ATP6V0A1: variants seen among roughly 807,000 people sequenced by gnomAD.
ATP6V0A1 encodes the protein ATPase H+ transporting V0 subunit a1.
In ATP6V0A1, 43 loss-of-function variants were observed where a neutral mutation model predicts 105.4. The observed-to-expected ratio is 0.41, with a 90% confidence interval of 0.32 to 0.53. The LOEUF is 0.53. ATP6V0A1 is among the 20% of genes least tolerant of loss of function. The pLI, the probability that ATP6V0A1 is intolerant of heterozygous loss-of-function variation, is 0.30. For synonymous variants in ATP6V0A1, 362 were observed against 372.8 expected, an observed-to-expected ratio of 0.97 and a Z score of 0.33; for missense variants, 676 against 1,051.1, an observed-to-expected ratio of 0.64 and a Z score of 4.93.
chr17:42,500,279 G>A (rs922183771), intron 15 of ATP6V0A1, among the ~76,000 whole-genome samples: 9 of 152,186 alleles, frequency 5.9e-5, no homozygotes, highest in Middle Eastern at 3.4e-3. Context: ...AGGAGTTCAA[G>A]ACCAGTCTGG....
intron 9 of ATP6V0A1, among the ~76,000 whole-genome samples, chr17:42,486,647 A>T (rs968542534): frequency 6.6e-6 from 1 of 152,168 alleles, no homozygotes. Context: ...TAAAGATCAC[A>T]GGTGCTCCTG....
At chr17:42,483,998 G>A (rs187857339) in intron 9 of ATP6V0A1, among the ~76,000 whole-genome samples, 7 of 152,310 alleles carry the variant, frequency 4.6e-5, no homozygotes, top group South Asian at 2.1e-4. Context: ...GATTATAGGC[G>A]TGAGCCACTG....
chr17:42,459,335 G>C (rs2086127875), intron 1 of ATP6V0A1, among the ~76,000 whole-genome samples: 1 of 152,236 alleles, frequency 6.6e-6, no homozygotes, highest in Non-Finnish European at 1.5e-5. Flanking sequence ...GGGTAGACAG[G>C]AAATGAAGCA....
At chr17:42,491,562 C>T (rs1180351585) in intron 11 of ATP6V0A1, among the ~76,000 whole-genome samples, 1 of 152,230 alleles carries the variant, frequency 6.6e-6, no homozygotes, top group Non-Finnish European at 1.5e-5. Context: ...CAGCTCACCA[C>T]ATCCTCTGCC....
intron 14 of ATP6V0A1, among the ~76,000 whole-genome samples, chr17:42,497,127 A>T (rs1053267928): frequency 4.0e-5 from 6 of 151,250 alleles, no homozygotes; most frequent in African/African-American, 4.9e-5. Context: ...ACATAGTGAA[A>T]CCCCATCTCT....
At position 42,487,035 on chromosome 17, in the gene ATP6V0A1, G is replaced by A. The variant is rs2090173042; in HGVS notation, c.811-120G>A. 6.4e-6 allele frequency: 6 copies of A among 936,586 alleles called. No homozygotes were observed. In the East Asian group the frequency reaches 7.7e-5, roughly 12 times the overall value. The allele number at this position is 936,586 out of a possible 1,614,324, so 58.0% of individuals were successfully genotyped here. A position where few individuals can be genotyped will look rare whatever the true frequency, so the allele number is the denominator to read the frequency against. On this transcript the variant is annotated intron_variant, in intron 9 of 21. Coordinates refer to ENST00000343619, the MANE Select transcript of ATP6V0A1 (RefSeq NM_001130021.3). ...AAAAAAGAAACCATTCTAGCCAGAG[G>A]AAGAAAAAGACAATTCCCTGGCAAC...
intron 17 of ATP6V0A1, among the ~76,000 whole-genome samples, chr17:42,504,597 G>T (rs2091899496): frequency 6.6e-6 from 1 of 152,144 alleles, no homozygotes; most frequent in Non-Finnish European, 1.5e-5. Context: ...AGGTGTCCAG[G>T]CTCTGGTGGC....
intron 5 of ATP6V0A1, among the ~76,000 whole-genome samples, chr17:42,474,711 T>C (rs975837049): frequency 7.9e-5 from 12 of 152,234 alleles, no homozygotes; most frequent in African/African-American, 2.9e-4. Flanking sequence ...CCTAAAACAC[T>C]ACCAGTTTTA....
Position 42,494,322 on chromosome 17 carries a change from G to C in ATP6V0A1, c.1175-12G>C. On this transcript the variant is annotated splice_polypyrimidine_tract_variant and intron_variant, in intron 11 of 21. Coordinates refer to ENST00000343619, the MANE Select transcript of ATP6V0A1 (RefSeq NM_001130021.3). ...TGTACTTTGTATTTTTCTTTTTTTG[G>C]TTTCTTCATAGCTCCGTATACTATT... 6.3e-7 allele frequency: 1 copy of C among 1,596,862 alleles called. No individual in the cohort carries two copies. Among genetic ancestry groups the C allele is most frequent in the Non-Finnish European group, 8.5e-7 (1 of 1,172,410 alleles).
chr17:42,501,348 G>A, intron 17 of ATP6V0A1, 44 bp downstream of exon 17: 1 of 1,219,154 alleles, frequency 8.2e-7, no homozygotes, highest in Middle Eastern at 2.1e-4. Context: ...CTTTTGTTTT[G>A]TTCAAGATCA....
chr17:42,483,074 A>G lies in ATP6V0A1; in HGVS notation c.753A>G (p.Pro251=), dbSNP rs750510954. ...RASLYPCPET[P]QERKEMASGV... ...CACTCTATCCCTGTCCTGAGACACCACAGGAGAGGAAGGAAATGGCTTCTG... is the reference window on the plus strand; with the variant it reads ...CACTCTATCCCTGTCCTGAGACACCGCAGGAGAGGAAGGAAATGGCTTCTG... The change falls in exon 9 of 22, where the codon CCA becomes CCG. Residue 251 remains proline (P), a synonymous_variant. Transcript: ENST00000343619. 2 of 1,576,742 alleles carry G rather than the reference A, an allele frequency of 1.3e-6. No homozygotes were observed. Among genetic ancestry groups the G allele is most frequent in the South Asian group, 1.2e-5 (1 of 84,856 alleles).
At position 42,470,128 on chromosome 17, in the gene ATP6V0A1, C is replaced by T. The variant is rs374214130; in HGVS notation, c.333C>T (p.Ile111=). 1.2e-6 allele frequency: 2 copies of T among 1,609,898 alleles called. No homozygotes were observed. The highest frequency in any genetic ancestry group is 1.7e-6 in the Non-Finnish European group (2 of 1,177,660). ...AGATTGAAAATGAACTGAAGGAAAT[C>T]AACACAAACCAGGAAGCTCTGAAGA... is the stretch of plus-strand genomic sequence containing the variant. The part of the protein sequence containing the change: ...FEKIENELKE[I]NTNQEALKRN... The change falls in exon 5 of 22, where the codon ATC becomes ATT. Residue 111 remains isoleucine (I), a synonymous_variant. Coordinates refer to ENST00000343619, the MANE Select transcript of ATP6V0A1 (RefSeq NM_001130021.3).
chr17:42,517,670 G>A (rs2092686783), intron 21 of ATP6V0A1, among the ~76,000 whole-genome samples: 1 of 152,188 alleles, frequency 6.6e-6, no homozygotes, highest in South Asian at 2.1e-4. Context: ...CGTCCAGGAT[G>A]CCTGGATCTT....
chr17:42,514,005 A>G, intron 20 of ATP6V0A1, 27 bp downstream of exon 20: 1 of 1,599,948 alleles, frequency 6.3e-7, no homozygotes, highest in Non-Finnish European at 8.6e-7. Flanking sequence ...GGGCTCCGGA[A>G]CTCTAGTTTC....
intron 3 of ATP6V0A1, among the ~76,000 whole-genome samples, chr17:42,467,020 G>T (rs576174184): frequency 6.6e-6 from 1 of 151,940 alleles, no homozygotes; most frequent in Non-Finnish European, 1.5e-5. Flanking sequence ...GGTGGCAGGC[G>T]CCTGTAATCC....
At chr17:42,486,239 C>T (rs987679714) in intron 9 of ATP6V0A1, among the ~76,000 whole-genome samples, 1 of 151,844 alleles carries the variant, frequency 6.6e-6, no homozygotes, top group Non-Finnish European at 1.5e-5. Context: ...GGTGAAACCC[C>T]GTCTCTACTA....
chr17:42,516,392 G>GCCTGGCTCTCTCCCT (rs1483311876), intron 21 of ATP6V0A1, among the ~76,000 whole-genome samples: 2 of 152,040 alleles, frequency 1.3e-5, no homozygotes, highest in Non-Finnish European at 2.9e-5. Context: ...GCTTCCTCTG[G>GCCTGGCTCTCTCCCT]CCTGGCTCTC....
At chr17:42,512,059 G>A (rs2092369402) in intron 19 of ATP6V0A1, among the ~76,000 whole-genome samples, 1 of 152,158 alleles carries the variant, frequency 6.6e-6, no homozygotes. Flanking sequence ...GTAGGGTGAG[G>A]ACTGGCTGGG....
At chr17:42,519,263 A>G (rs1334515796) in intron 21 of ATP6V0A1, 1 of 152,308 alleles carries the variant, frequency 6.6e-6, no homozygotes, top group Non-Finnish European at 1.5e-5. Context: ...AGGCATCTGA[A>G]AACAAAGCTG....
Sources: allele counts gnomAD v4.1 joint callset (sites outside exome capture counted in the v4.1 genomes callset), GRCh38; gene constraint gnomAD v4.1.1; transcripts MANE v1.5; gene names NCBI Gene and HGNC (gene_info 2026-07-23, HGNC 2026-07-21).